The following FGGY variants were observed in gnomAD, a reference collection of about 807,000 sequenced individuals.
FGGY encodes the protein FGGY carbohydrate kinase domain containing, also known as FGGY carbohydrate kinase domain-containing protein.
In FGGY, 72 loss-of-function variants were observed where a neutral mutation model predicts 71.3. That is an observed-to-expected ratio of 1.01 (90% confidence interval 0.84 to 1.23). The LOEUF (loss-of-function observed/expected upper bound fraction) is 1.23. Among genes scored for constraint, FGGY ranks in the 50% most tolerant of loss-of-function variants. The probability of loss-of-function intolerance (pLI) is 0.00; values close to 1 mark genes in which losing one functional copy is unlikely to be tolerated. For synonymous variants in FGGY, 251 were observed against 250.3 expected (o/e 1.00, Z -0.02); for missense variants, 668 against 682.3 (o/e 0.98, Z 0.23).
chr1:59,739,721 A>G (rs553598600), intron 14 of FGGY, among the ~76,000 whole-genome samples: 1 of 151,822 alleles, frequency 6.6e-6, no homozygotes, highest in South Asian at 2.1e-4. Flanking sequence ...CTTTTTCTAC[A>G]TGGTCAATCT....
At chr1:59,490,417 A>G (rs1435234362) in intron 6 of FGGY, among the ~76,000 whole-genome samples, 7 of 152,066 alleles carry the variant, frequency 4.6e-5, no homozygotes, top group Non-Finnish European at 1.0e-4. Flanking sequence ...CTGGATATTA[A>G]TGTCTTGACC....
chr1:59,300,977 T>C (rs975967775), intron 1 of FGGY, among the ~76,000 whole-genome samples: 10 of 152,244 alleles, frequency 6.6e-5, no homozygotes, highest in African/African-American at 2.2e-4. Flanking sequence ...ATATGAATTT[T>C]ATAATCACTT....
chr1:59,514,556 GT>G (rs2094593892), intron 7 of FGGY, among the ~76,000 whole-genome samples: 3 of 152,270 alleles, frequency 2.0e-5, no homozygotes, highest in Non-Finnish European at 2.9e-5. Flanking sequence ...AAGTGATATG[GT>G]TTGGCTGTGT....
chr1:59,579,502 T>C (rs533286899), intron 8 of FGGY, among the ~76,000 whole-genome samples: 64 of 152,156 alleles, frequency 4.2e-4, no homozygotes, highest in Non-Finnish European at 7.9e-4. Context: ...CCCCAGGAAA[T>C]CTCCTCTCAC....
At chr1:59,602,118 A>G (rs1185323024) in intron 8 of FGGY, among the ~76,000 whole-genome samples, 1 of 152,214 alleles carries the variant, frequency 6.6e-6, no homozygotes, top group African/African-American at 2.4e-5. Flanking sequence ...CAAAGACAAA[A>G]GAGATATTAA....
intron 6 of FGGY, among the ~76,000 whole-genome samples, chr1:59,498,887 G>A (rs2153603014): frequency 6.6e-6 from 1 of 152,350 alleles, no homozygotes; most frequent in South Asian, 2.1e-4. Context: ...CTCCCCCGGA[G>A]GGACTGCAAA....
intron 14 of FGGY, among the ~76,000 whole-genome samples, chr1:59,679,673 A>G (rs1023145264): frequency 3.3e-5 from 5 of 152,102 alleles, no homozygotes; most frequent in African/African-American, 9.7e-5. Flanking sequence ...CTTTTTGTAC[A>G]TATTTTAAAA....
intron 6 of FGGY, 93 bp from the exon 7 acceptor site, chr1:59,512,218 G>T (rs2094535135): frequency 7.5e-7 from 1 of 1,339,344 alleles, no homozygotes; most frequent in Admixed American, 2.7e-5. Context: ...AGAGGAGGGA[G>T]GAGAGAGCAA....
chr1:59,370,478 C>G (rs1449767368), intron 4 of FGGY, among the ~76,000 whole-genome samples: 1 of 152,212 alleles, frequency 6.6e-6, no homozygotes, highest in Non-Finnish European at 1.5e-5. Flanking sequence ...CTGAAAAACA[C>G]TCTGCAGGAT....
At chr1:59,416,600 C>T (rs2064471329) in intron 5 of FGGY, among the ~76,000 whole-genome samples, 1 of 152,174 alleles carries the variant, frequency 6.6e-6, no homozygotes, top group African/African-American at 2.4e-5. Context: ...ATGATTTGAC[C>T]ATGTCACCTT....
rs896973886 is a variant in FGGY at position 59,604,113 on chromosome 1, A to G, written c.904-3690A>G. Among the ~76,000 whole-genome samples, 15 of 152,356 alleles carry G rather than the reference A, an allele frequency of 9.8e-5. No individual in the cohort carries two copies. The Middle Eastern group carries it at 0.01, about 104-fold the overall frequency. On this transcript the variant is annotated intron_variant, in intron 8 of 15. Coordinates refer to ENST00000303721, the MANE Select transcript of FGGY (RefSeq NM_018291.5). ...TGTTGTTGTTGCCAACAGTGCCGTT[A>G]TTACTGGGAAGTCAGTGTCCTGCAT...
chr1:59,611,442 A>T (rs1037927776), intron 9 of FGGY, among the ~76,000 whole-genome samples: 1 of 152,304 alleles, frequency 6.6e-6, no homozygotes, highest in South Asian at 2.1e-4. Flanking sequence ...GAGGGTCCTG[A>T]CTGTTAGAAG....
At chr1:59,506,646 A>G (rs147610603) in intron 6 of FGGY, among the ~76,000 whole-genome samples, 9,148 of 152,248 alleles carry the variant, frequency 0.06, 341 homozygotes, top group East Asian at 0.12. Context: ...TAAAAATACA[A>G]AAATTAGCCA....
chr1:59,447,655 C>T (rs2071603042), intron 5 of FGGY, among the ~76,000 whole-genome samples: 1 of 152,170 alleles, frequency 6.6e-6, no homozygotes, highest in Admixed American at 6.5e-5. Flanking sequence ...GTGAATAAGT[C>T]TCACAAGATC....
At chr1:59,647,421 C>T (rs113479183) in intron 11 of FGGY, among the ~76,000 whole-genome samples, 3 of 152,282 alleles carry the variant, frequency 2.0e-5, no homozygotes, top group African/African-American at 7.2e-5. Context: ...AGTGTCCATC[C>T]ATCATTTTTG....
At chr1:59,296,603 C>A (rs2041989433), upstream of FGGY, 2 of 152,416 alleles carry the variant, frequency 1.3e-5, no homozygotes, top group South Asian at 4.1e-4. Flanking sequence ...GGGCAGGCGA[C>A]GGCCAATCCC....
chr1:59,662,258 T>C (rs2097282414), intron 12 of FGGY, among the ~76,000 whole-genome samples: 1 of 149,260 alleles, frequency 6.7e-6, no homozygotes, highest in African/African-American at 2.5e-5. Context: ...AGGCGGAGCT[T>C]GCAGTGAACT....
chr1:59,583,853 T>C (rs1558432107), intron 8 of FGGY, among the ~76,000 whole-genome samples: 1 of 142,348 alleles, frequency 7.0e-6, no homozygotes, highest in Non-Finnish European at 1.5e-5. Flanking sequence ...AGATGAGACC[T>C]GTTTTGAATG....
chr1:59,633,714 G>A (rs988591833), intron 10 of FGGY, among the ~76,000 whole-genome samples: 2 of 152,164 alleles, frequency 1.3e-5, no homozygotes, highest in Non-Finnish European at 2.9e-5. Flanking sequence ...AGAGTGGTTG[G>A]ATACTTGACC....
Sources: allele counts gnomAD v4.1 joint callset (sites outside exome capture counted in the v4.1 genomes callset), GRCh38; gene constraint gnomAD v4.1.1; transcripts MANE v1.5; gene names NCBI Gene and HGNC (gene_info 2026-07-23, HGNC 2026-07-21).